The following ADAM17 variants were observed in gnomAD, a reference collection of about 807,000 sequenced individuals.
ADAM17 encodes the protein disintegrin and metalloproteinase domain-containing protein 17.
ADAM17 carries 39 observed loss-of-function variants against 96.7 expected under a neutral mutation model. The observed-to-expected ratio is 0.40, with a 90% CI of 0.31 to 0.53. ADAM17 has a LOEUF of 0.53. Among genes scored for constraint, ADAM17 ranks in the 20% least tolerant of loss-of-function variants. The pLI, the probability that ADAM17 is intolerant of heterozygous loss-of-function variation, is 0.44. For missense variants in ADAM17, 777 were observed against 1,013.2 expected (o/e 0.77, Z 3.17); for synonymous variants, 344 against 359.2 (o/e 0.96, Z 0.48).
intron 13 of ADAM17, 51 bp from the exon 14 acceptor site, chr2:9,497,299 G>C (rs1340041017): frequency 6.2e-7 from 1 of 1,605,888 alleles, no homozygotes; most frequent in Non-Finnish European, 8.5e-7. Flanking sequence ...AGGTCCACCA[G>C]TTCTACAGGT....
chr2:9,525,981 CAG>C, intron 6 of ADAM17, 128 bp downstream of exon 6: 1 of 974,698 alleles, frequency 1.0e-6, no homozygotes. Flanking sequence ...ATAAAAACCT[CAG>C]AGAATATCCC....
chr2:9,505,023 G>T, intron 12 of ADAM17, 143 bp downstream of exon 12: 1 of 929,324 alleles, frequency 1.1e-6, no homozygotes, highest in Non-Finnish European at 1.6e-6. Context: ...ATTTCTTGCT[G>T]TGAAGGGCAA....
intron 6 of ADAM17, among the ~76,000 whole-genome samples, chr2:9,524,577 C>T (rs1242014294): frequency 1.3e-5 from 2 of 152,144 alleles, no homozygotes; most frequent in Non-Finnish European, 2.9e-5. Flanking sequence ...ACTGTATTCC[C>T]TTCTAAAAAG....
At chr2:9,550,082 C>T (rs1471636798) in intron 1 of ADAM17, among the ~76,000 whole-genome samples, 1 of 152,134 alleles carries the variant, frequency 6.6e-6, no homozygotes, top group Non-Finnish European at 1.5e-5. Context: ...TCCTCTTCAG[C>T]ACCCCCCAAA....
intron 12 of ADAM17, among the ~76,000 whole-genome samples, chr2:9,504,161 T>C (rs1663216000): frequency 6.7e-6 from 1 of 150,210 alleles, no homozygotes; most frequent in African/African-American, 2.5e-5. Context: ...AAAAAGAAAA[T>C]AAAGGCCAGG....
intron 11 of ADAM17, among the ~76,000 whole-genome samples, chr2:9,507,461 C>T (rs1055054776): frequency 1.3e-5 from 2 of 152,048 alleles, no homozygotes; most frequent in African/African-American, 4.8e-5. Flanking sequence ...GAGATCACAC[C>T]ACTGCACTCC....
chr2:9,536,317 C>A (rs532246214), intron 3 of ADAM17, among the ~76,000 whole-genome samples: 1 of 152,008 alleles, frequency 6.6e-6, no homozygotes, highest in African/African-American at 2.4e-5. Context: ...AAGTAAACTG[C>A]AATTGCTTGT....
intron 16 of ADAM17, 73 bp from the exon 17 acceptor site, chr2:9,493,059 A>G (rs1381453229): frequency 7.9e-7 from 1 of 1,265,950 alleles, no homozygotes; most frequent in East Asian, 2.6e-5. Context: ...CTCTTAGGAT[A>G]TTACCATTGT....
chr2:9,490,063 C>CCTG lies in ADAM17; in HGVS notation c.*113_*114insCAG, dbSNP rs1474705405. The CCTG allele has an allele frequency of 9.9e-7, 1 of 1,008,966 alleles. No homozygotes were observed. 62.5% of individuals were successfully genotyped at this position (1,008,966 alleles called of 1,614,324 possible). ...ACCTGCAGGAAGTTCAAACACATGACCAGCATCTGCTAAGTCACTTCCCAG... is the reference window on the plus strand; with the variant it reads ...ACCTGCAGGAAGTTCAAACACATGACCTGCAGCATCTGCTAAGTCACTTCCCAG... On this transcript the variant is annotated 3_prime_UTR_variant, in exon 19 of 19. Transcript: ENST00000310823.
chr2:9,537,812 T>C (rs1281648654), intron 2 of ADAM17, among the ~76,000 whole-genome samples: 1 of 143,668 alleles, frequency 7.0e-6, no homozygotes, highest in African/African-American at 2.6e-5. Context: ...GTTAGGAAAA[T>C]AAATACAAGG....
chr2:9,517,130 C>G (rs185047788), intron 10 of ADAM17, among the ~76,000 whole-genome samples: 41 of 152,346 alleles, frequency 2.7e-4, no homozygotes, highest in African/African-American at 9.1e-4. Flanking sequence ...GAGGGTACCT[C>G]TGAGTTGCTG....
At chr2:9,522,465 AAG>A (rs892231903) in intron 7 of ADAM17, 7 of 591,604 alleles carry the variant, frequency 1.2e-5, no homozygotes, top group African/African-American at 9.0e-5. Context: ...GTAACAGTGA[AAG>A]AGAATGAAAA....
chr2:9,545,462 C>T (rs190904290), intron 1 of ADAM17, among the ~76,000 whole-genome samples: 3 of 151,988 alleles, frequency 2.0e-5, no homozygotes, highest in Non-Finnish European at 2.9e-5. Context: ...CCCAGCTACT[C>T]GGTAGGCTGA....
At chr2:9,521,102 G>A (rs1390160773) in intron 8 of ADAM17, 101 bp downstream of exon 8, 6 of 899,728 alleles carry the variant, frequency 6.7e-6, no homozygotes, top group Non-Finnish European at 1.1e-5. Flanking sequence ...GCTTCTGGGT[G>A]TCCATCTTTT....
intron 11 of ADAM17, among the ~76,000 whole-genome samples, chr2:9,509,409 C>A (rs187688393): frequency 6.6e-6 from 1 of 152,276 alleles, no homozygotes; most frequent in African/African-American, 2.4e-5. Context: ...CTATCAGAAA[C>A]CCCCAATAGT....
rs200004510 is a variant in ADAM17, at chr2:9,527,779, G to A, written c.619+7C>T. On this transcript the variant is annotated splice_region_variant and intron_variant, in intron 5 of 18. Coordinates refer to ENST00000310823, the MANE Select transcript of ADAM17 (RefSeq NM_003183.6). ...TTCTTATTTGAAATACACTCTTTAA[G>A]TCTTACCTTCAGGTGGTTCTCTGTC... The A allele has an allele frequency of 7.6e-5, 118 of 1,550,772 alleles. No individual in the cohort carries two copies. Among genetic ancestry groups the A allele is most frequent in the Non-Finnish European group, 9.5e-5 (109 of 1,151,860 alleles).
At chr2:9,543,694 A>C (rs1202897083) in intron 1 of ADAM17, among the ~76,000 whole-genome samples, 3 of 152,180 alleles carry the variant, frequency 2.0e-5, no homozygotes, top group African/African-American at 7.2e-5. Context: ...AAAGACTCTT[A>C]CTCATGTGTG....
chr2:9,491,658 A>C (rs1558491239), intron 17 of ADAM17, among the ~76,000 whole-genome samples: 1 of 152,142 alleles, frequency 6.6e-6, no homozygotes, highest in Non-Finnish European at 1.5e-5. Context: ...CTCAATCCCT[A>C]CATCCTACTT....
chr2:9,509,464 A>G (rs1663606804), intron 11 of ADAM17, among the ~76,000 whole-genome samples: 1 of 152,198 alleles, frequency 6.6e-6, no homozygotes, highest in Non-Finnish European at 1.5e-5. Context: ...TACATGCCAG[A>G]TACTCCTACT....
Sources: allele counts gnomAD v4.1 joint callset (sites outside exome capture counted in the v4.1 genomes callset), GRCh38; gene constraint gnomAD v4.1.1; transcripts MANE v1.5; gene names NCBI Gene and HGNC (gene_info 2026-07-23, HGNC 2026-07-21).